Variants in SARNP observed in about 807,000 individuals in gnomAD.
SARNP encodes SAP domain containing ribonucleoprotein, also known as SAP domain-containing ribonucleoprotein.
In SARNP, 5 loss-of-function variants were observed where a neutral mutation model predicts 38.1. The ratio of observed to expected loss-of-function variants is 0.13; its 90% CI spans 0.07 to 0.28. The LOEUF is 0.28. Among genes scored for constraint, SARNP ranks in the 10% least tolerant of loss-of-function variants. The probability of loss-of-function intolerance (pLI) is 1.00; values close to 1 mark genes in which losing one functional copy is unlikely to be tolerated. For synonymous variants in SARNP, 84 were observed against 80.6 expected, an observed-to-expected ratio of 1.04 and a Z score of -0.23; for missense variants, 180 against 243.9, an observed-to-expected ratio of 0.74 and a Z score of 1.75.
intron 9 of SARNP, among the ~76,000 whole-genome samples, chr12:55,766,297 C>CT (rs756098870): frequency 3.9e-5 from 6 of 152,080 alleles, no homozygotes; most frequent in Admixed American, 6.6e-5. Context: ...CCTATCAAAT[C>CT]TATACTCCTA....
At chr12:55,798,592 C>T (rs1448984152) in intron 4 of SARNP, among the ~76,000 whole-genome samples, 1 of 152,036 alleles carries the variant, frequency 6.6e-6, no homozygotes, top group Admixed American at 6.6e-5. Flanking sequence ...TAGGAATTTA[C>T]CCTGTGGGTA....
rs988792643 is a variant in SARNP, at chr12:55,771,155, AC to A, written c.502-10516del. Among the ~76,000 whole-genome samples, 42 of 152,110 alleles carry A rather than the reference AC, an allele frequency of 2.8e-4. 1 individual carries two copies. The highest frequency in any genetic ancestry group is 9.9e-4 in the African/African-American group (41 of 41,510). On this transcript the variant is annotated intron_variant, in intron 9 of 10. Transcript: ENST00000336133. Reference sequence around the variant, plus strand: ...GTATTTTTAGTAGAAACGGGGTTTCACCATGTTAGCCAGGCTGGTCTCGAAC... The same window carrying A: ...GTATTTTTAGTAGAAACGGGGTTTCACATGTTAGCCAGGCTGGTCTCGAAC...
At chr12:55,772,432 T>C (rs1266316880) in intron 9 of SARNP, among the ~76,000 whole-genome samples, 1 of 152,146 alleles carries the variant, frequency 6.6e-6, no homozygotes, top group Non-Finnish European at 1.5e-5. Context: ...CTCACTAGGT[T>C]CTACCACTTT....
chr12:55,792,293 C>T (rs1410118092), intron 7 of SARNP, among the ~76,000 whole-genome samples: 2 of 152,074 alleles, frequency 1.3e-5, no homozygotes, highest in African/African-American at 4.8e-5. Flanking sequence ...TTACTTAAAA[C>T]TACTGACGAG....
At chr12:55,814,932 A>G (rs1268746977) in intron 1 of SARNP, among the ~76,000 whole-genome samples, 2 of 152,042 alleles carry the variant, frequency 1.3e-5, no homozygotes, top group Admixed American at 1.3e-4. Context: ...TTTGCTGTTG[A>G]TATGACATTA....
intron 2 of SARNP, among the ~76,000 whole-genome samples, chr12:55,801,152 T>C (rs1057443224): frequency 6.6e-6 from 1 of 152,278 alleles, no homozygotes. Context: ...ATTTTAAAAG[T>C]AATGTTGGGC....
chr12:55,789,189 G>C, intron 8 of SARNP, 46 bp from the exon 9 acceptor site: 1 of 1,362,620 alleles, frequency 7.3e-7, no homozygotes, highest in Non-Finnish European at 1.0e-6. Flanking sequence ...AAATCAAAAC[G>C]GAAAACAAAA....
At chr12:55,761,445 G>C (rs1040279813) in intron 9 of SARNP, 8 of 152,158 alleles carry the variant, frequency 5.3e-5, no homozygotes, top group African/African-American at 1.7e-4. Context: ...GCCATAGAAG[G>C]CTCTGAATAG....
intron 9 of SARNP, among the ~76,000 whole-genome samples, chr12:55,787,733 AT>A: frequency 7.1e-6 from 1 of 141,512 alleles, no homozygotes; most frequent in African/African-American, 2.7e-5. Context: ...TGCTCGACTG[AT>A]TTTTTTCTTT....
At chr12:55,794,714 C>A in intron 6 of SARNP, 93 bp downstream of exon 6, 1 of 795,384 alleles carries the variant, frequency 1.3e-6, no homozygotes. Context: ...CTCTATTCTA[C>A]TTAAAATCAA....
At chr12:55,816,661 T>C (rs1235862291) in intron 1 of SARNP, among the ~76,000 whole-genome samples, 2 of 152,228 alleles carry the variant, frequency 1.3e-5, no homozygotes, top group Non-Finnish European at 2.9e-5. Context: ...TCAGCCTGGT[T>C]TGTCCAAAAC....
chr12:55,805,504 G>A (rs888174334), intron 1 of SARNP, among the ~76,000 whole-genome samples: 1 of 152,196 alleles, frequency 6.6e-6, no homozygotes, highest in Non-Finnish European at 1.5e-5. Flanking sequence ...CTGAGGTCAG[G>A]AGTTCAACAG....
intron 2 of SARNP, among the ~76,000 whole-genome samples, chr12:55,802,711 C>T (rs936939445): frequency 2.0e-5 from 3 of 151,160 alleles, no homozygotes; most frequent in African/African-American, 7.3e-5. Context: ...ATATAACACT[C>T]AACCCATAGT....
At chr12:55,806,345 G>A (rs1262664532) in intron 1 of SARNP, among the ~76,000 whole-genome samples, 2 of 151,528 alleles carry the variant, frequency 1.3e-5, no homozygotes, top group African/African-American at 4.9e-5. Flanking sequence ...CATGATCTCG[G>A]CTCACTGCAA....
chr12:55,812,210 C>A (rs998020875), intron 1 of SARNP, among the ~76,000 whole-genome samples: 1 of 152,150 alleles, frequency 6.6e-6, no homozygotes, highest in African/African-American at 2.4e-5. Flanking sequence ...CATTCCTTCA[C>A]GTCCTTCAAC....
chr12:55,808,249 G>A (rs1183296789), intron 1 of SARNP, among the ~76,000 whole-genome samples: 1 of 152,044 alleles, frequency 6.6e-6, no homozygotes, highest in Non-Finnish European at 1.5e-5. Flanking sequence ...TTGGAAGGCT[G>A]AGGCAGGAGG....
At chr12:55,797,073 G>T (rs1038698986) in intron 4 of SARNP, among the ~76,000 whole-genome samples, 9 of 152,144 alleles carry the variant, frequency 5.9e-5, no homozygotes, top group Non-Finnish European at 1.0e-4. Flanking sequence ...TAAAACTGTG[G>T]GTCATAACCA....
chr12:55,800,692 G>GA, intron 3 of SARNP, 63 bp from the exon 4 acceptor site: 1 of 1,388,212 alleles, frequency 7.2e-7, no homozygotes, highest in East Asian at 2.3e-5. Context: ...ATCAAAAGAA[G>GA]AACATCAGAA....
At chr12:55,804,668 C>T (rs1011473879) in intron 1 of SARNP, among the ~76,000 whole-genome samples, 5 of 152,034 alleles carry the variant, frequency 3.3e-5, no homozygotes, top group African/African-American at 4.8e-5. Flanking sequence ...CCATAATAAA[C>T]GATGTAATGG....
Sources: allele counts gnomAD v4.1 joint callset (sites outside exome capture counted in the v4.1 genomes callset), GRCh38; gene constraint gnomAD v4.1.1; transcripts MANE v1.5; gene names NCBI Gene and HGNC (gene_info 2026-07-23, HGNC 2026-07-21).